The following EPB41L3 variants were observed in gnomAD, a reference collection of about 807,000 sequenced individuals.
EPB41L3 encodes the protein erythrocyte membrane protein band 4.1 like 3, also known as band 4.1-like protein 3.
EPB41L3 carries 57 observed loss-of-function variants against 127.1 expected under a neutral mutation model. The ratio of observed to expected loss-of-function variants is 0.45; its 90% CI spans 0.36 to 0.56. The LOEUF is 0.56. Among genes scored for constraint, EPB41L3 ranks in the 20% least tolerant of loss-of-function variants. The probability of loss-of-function intolerance (pLI) is 0.00; values close to 1 mark genes in which losing one functional copy is unlikely to be tolerated. For missense variants in EPB41L3, 1,273 were observed against 1,372.2 expected, an observed-to-expected ratio of 0.93 and a Z score of 1.14; for synonymous variants, 572 against 549.5, an observed-to-expected ratio of 1.04 and a Z score of -0.57.
rs150955498 is a variant in EPB41L3 at position 5,490,628 on chromosome 18, A to T, written c.-11-1434T>A. 4.6e-5 allele frequency among the ~76,000 whole-genome samples: 7 copies of T among 152,376 alleles called. No homozygotes were observed. The East Asian group carries it at 1.3e-3, about 29-fold the overall frequency. ...AGTCTGAATACAGAGAAAGGTAGTG[A>T]TGCAAATAAAATGAACAGACTTTCT... On this transcript the variant is annotated intron_variant, in intron 1 of 22. Coordinates refer to ENST00000341928, the MANE Select transcript of EPB41L3 (RefSeq NM_012307.5).
In EPB41L3 at chr18:5,488,998, C is replaced by T. The variant is rs1251767283; in HGVS notation, c.183+3G>A. 3.8e-6 allele frequency: 6 copies of T among 1,575,774 alleles called. No individual in the cohort carries two copies. In the South Asian group the frequency reaches 5.7e-5, roughly 15 times the overall value. ...CGTCATTAGTTTTCTGGCCTGGGCT[C>T]ACCTCCCTCCGCACCGGGGTGCTGT... On this transcript the variant is annotated splice_donor_region_variant and intron_variant, in intron 2 of 22. Transcript: ENST00000341928.
At chr18:5,426,130 G>C (rs1239573610) in intron 9 of EPB41L3, among the ~76,000 whole-genome samples, 1 of 151,904 alleles carries the variant, frequency 6.6e-6, no homozygotes, top group Non-Finnish European at 1.5e-5. Context: ...TCTAGTTTTG[G>C]GCCTTTTCTT....
chr18:5,535,939 G>A (rs1485191277), intron 1 of EPB41L3, among the ~76,000 whole-genome samples: 2 of 152,186 alleles, frequency 1.3e-5, no homozygotes, highest in Non-Finnish European at 2.9e-5. Context: ...GGAGCCCAGT[G>A]ACCCCGTACA....
intron 1 of EPB41L3, among the ~76,000 whole-genome samples, chr18:5,542,583 G>A (rs1256734026): frequency 6.6e-6 from 1 of 151,976 alleles, no homozygotes; most frequent in Non-Finnish European, 1.5e-5. Flanking sequence ...CACTGCATTA[G>A]CAGGACTGCC....
chr18:5,436,211 A>G lies in EPB41L3; in HGVS notation c.605+1824T>C, dbSNP rs114520247. Among the ~76,000 whole-genome samples, 690 of 152,242 alleles carry G rather than the reference A, an allele frequency of 4.5e-3. 6 individuals are homozygous for G. Among genetic ancestry groups the G allele is most frequent in the African/African-American group, 0.015 (641 of 41,562 alleles). The stretch of plus-strand genomic sequence containing the variant: ...ACAAAGCACACCTGGTACCTTGTAT[A>G]TAAGAAATGAACTGTTCATCTATGG... On this transcript the variant is annotated intron_variant, in intron 6 of 22. Coordinates refer to ENST00000341928, the MANE Select transcript of EPB41L3 (RefSeq NM_012307.5).
chr18:5,504,919 T>C (rs1375867394), intron 1 of EPB41L3, among the ~76,000 whole-genome samples: 1 of 152,112 alleles, frequency 6.6e-6, no homozygotes, highest in East Asian at 1.9e-4. Context: ...CCCTTGAACG[T>C]GCTGTGCTGC....
Position 5,566,793 on chromosome 18 carries a change from C to CTATTCT in EPB41L3, c.-306+45546_-306+45547insAGAATA, listed in dbSNP as rs747649790. Among the ~76,000 whole-genome samples the CTATTCT allele has an allele frequency of 4.6e-3, 407 of 88,224 alleles. 3 individuals carry two copies. The highest frequency in any genetic ancestry group is 0.027 in the Middle Eastern group (5 of 184). 57.9% of individuals were successfully genotyped at this position (88,224 alleles called of 152,430 possible). The stretch of plus-strand genomic sequence containing the variant: ...TATTCTATTCTATTCTATTCTATTC[C>CTATTCT]ATTCCATTCCATTCTAATTTTATTT... On this transcript the variant is annotated intron_variant, in intron 3 of 21. Transcript: ENST00000545076.
intron 3 of EPB41L3, among the ~76,000 whole-genome samples, chr18:5,453,740 T>C (rs2082611539): frequency 6.6e-6 from 1 of 152,216 alleles, no homozygotes; most frequent in Non-Finnish European, 1.5e-5. Context: ...TTCTGCTCCC[T>C]GAGGATGGAA....
intron 3 of EPB41L3, among the ~76,000 whole-genome samples, chr18:5,468,652 A>G (rs938161803): frequency 7.2e-5 from 11 of 152,280 alleles, no homozygotes; most frequent in African/African-American, 2.4e-4. Context: ...CATTGGGATA[A>G]CCTGCCTGTG....
intron 3 of EPB41L3, among the ~76,000 whole-genome samples, chr18:5,474,621 A>C (rs2086808527): frequency 6.6e-6 from 1 of 152,212 alleles, no homozygotes; most frequent in Admixed American, 6.5e-5. Flanking sequence ...AATTTTATGA[A>C]AATAAAATGC....
At chr18:5,617,564 C>T (rs1184977607) in intron 1 of EPB41L3, among the ~76,000 whole-genome samples, 8 of 152,200 alleles carry the variant, frequency 5.3e-5, no homozygotes, top group East Asian at 3.9e-4. Flanking sequence ...GCGATCCGCC[C>T]GCCTCGGCCT....
chr18:5,595,848 T>C (rs2094531826), intron 3 of EPB41L3, among the ~76,000 whole-genome samples: 2 of 152,180 alleles, frequency 1.3e-5, no homozygotes, highest in African/African-American at 2.4e-5. Context: ...TGGAATACTA[T>C]TGGGGGTAAT....
chr18:5,542,176 A>G (rs1166577804), intron 1 of EPB41L3, among the ~76,000 whole-genome samples: 1 of 152,232 alleles, frequency 6.6e-6, no homozygotes, highest in Non-Finnish European at 1.5e-5. Context: ...GAGCCAAGAC[A>G]GAAATCACCT....
chr18:5,485,934 T>C (rs2089672626), intron 2 of EPB41L3, among the ~76,000 whole-genome samples: 1 of 152,014 alleles, frequency 6.6e-6, no homozygotes, highest in South Asian at 2.1e-4. Context: ...ACAAATTCAA[T>C]GTAAATTGAA....
At chr18:5,401,015 T>G in intron 16 of EPB41L3, 1 of 1,534,754 alleles carries the variant, frequency 6.5e-7, no homozygotes, top group Non-Finnish European at 8.7e-7. Context: ...AAATATAACT[T>G]TTTCAGAAAT....
chr18:5,443,740 G>T, intron 5 of EPB41L3, 98 bp downstream of exon 5: 1 of 869,444 alleles, frequency 1.2e-6, no homozygotes, highest in African/African-American at 1.7e-5. Flanking sequence ...AGAAAAGCTT[G>T]TATTCACACT....
At chr18:5,576,002 A>T (rs2094333728) in intron 3 of EPB41L3, among the ~76,000 whole-genome samples, 1 of 152,236 alleles carries the variant, frequency 6.6e-6, no homozygotes, top group Non-Finnish European at 1.5e-5. Flanking sequence ...TAACATCCAT[A>T]CGTATAATTT....
At chr18:5,436,734 G>C (rs1214282767) in intron 6 of EPB41L3, among the ~76,000 whole-genome samples, 2 of 151,900 alleles carry the variant, frequency 1.3e-5, no homozygotes, top group African/African-American at 2.4e-5. Flanking sequence ...TTCAAATCCA[G>C]GTATATGTGG....
chr18:5,516,746 A>G (rs534062804), intron 1 of EPB41L3, among the ~76,000 whole-genome samples: 55 of 152,310 alleles, frequency 3.6e-4, no homozygotes, highest in African/African-American at 1.3e-3. Flanking sequence ...CCCACTATAT[A>G]TTTGTATTAG....
Sources: gnomAD v4.1 joint callset for allele counts (sites outside exome capture counted in the v4.1 genomes callset) on GRCh38, gnomAD v4.1.1 for gene constraint, MANE v1.5 for transcripts, NCBI Gene and HGNC (gene_info 2026-07-23, HGNC 2026-07-21) for gene names.